The following SNX8 variants were observed in gnomAD, a reference collection of about 807,000 sequenced individuals.
The protein encoded by SNX8 is sorting nexin-8.
Under a neutral mutation model 51.6 loss-of-function variants are expected in SNX8, and 25 were observed. The ratio of observed to expected loss-of-function variants is 0.48; its 90% CI spans 0.35 to 0.68. The LOEUF is 0.68. Among genes scored for constraint, SNX8 ranks in the 30% least tolerant of loss-of-function variants. SNX8 has a pLI of 0.00. For missense variants in SNX8, 695 were observed against 624.0 expected (o/e 1.11, Z -1.21); for synonymous variants, 324 against 277.0 (o/e 1.17, Z -1.68).
intron 1 of SNX8, among the ~76,000 whole-genome samples, chr7:2,308,687 A>G (rs36076158): frequency 0.24 from 32,951 of 139,172 alleles, 4,301 homozygotes; most frequent in Middle Eastern, 0.42. Context: ...AAAAAAAAAA[A>G]GGGTCATGGA....
chr7:2,295,224 T>G (rs1289546640), intron 1 of SNX8, among the ~76,000 whole-genome samples: 1 of 151,490 alleles, frequency 6.6e-6, no homozygotes, highest in African/African-American at 2.4e-5. Context: ...GCCAACATGG[T>G]GAAACAGCAT....
chr7:2,354,248 C>G (rs1446229369), exon 1 of SNX8: 1 of 152,286 alleles, frequency 6.6e-6, no homozygotes, highest in Non-Finnish European at 1.5e-5. Context: ...AGGCAGTCGT[C>G]CTTCTAGTCG....
At chr7:2,289,000 G>T (rs1348419592) in intron 1 of SNX8, among the ~76,000 whole-genome samples, 1 of 152,174 alleles carries the variant, frequency 6.6e-6, no homozygotes, top group Non-Finnish European at 1.5e-5. Context: ...GCCTCCAAAA[G>T]TGCTGGGATT....
intron 5 of SNX8, among the ~76,000 whole-genome samples, chr7:2,267,160 G>A (rs1207009547): frequency 6.6e-6 from 1 of 152,218 alleles, no homozygotes; most frequent in South Asian, 2.1e-4. Context: ...CAACTGAAAC[G>A]AGGGTTAAAT....
intron 1 of SNX8, among the ~76,000 whole-genome samples, chr7:2,351,436 C>T (rs375014269): frequency 2.0e-5 from 3 of 151,948 alleles, no homozygotes; most frequent in African/African-American, 7.2e-5. Context: ...TCTGTACTAC[C>T]AGATACTCAG....
At chr7:2,282,669 C>T (rs988913340) in intron 1 of SNX8, among the ~76,000 whole-genome samples, 6 of 152,164 alleles carry the variant, frequency 3.9e-5, no homozygotes, top group Admixed American at 1.3e-4. Flanking sequence ...CCCCAGAGAC[C>T]GCAGCTTTAG....
intron 1 of SNX8, among the ~76,000 whole-genome samples, chr7:2,327,067 G>C (rs990463823): frequency 6.6e-6 from 1 of 152,080 alleles, no homozygotes; most frequent in Non-Finnish European, 1.5e-5. Flanking sequence ...GCAGGGCCAC[G>C]CTGTCTCTGA....
chr7:2,324,252 C>T (rs1483843867), intron 1 of SNX8, among the ~76,000 whole-genome samples: 2 of 151,510 alleles, frequency 1.3e-5, no homozygotes, highest in Non-Finnish European at 2.9e-5. Context: ...CAAAACCAGC[C>T]TGGGCAACGT....
Position 2,256,899 on chromosome 7 carries a change from T to C in SNX8, c.1259A>G (p.Asn420Ser), listed in dbSNP as rs764708647. 1 of 1,612,318 alleles carries C rather than the reference T, an allele frequency of 6.2e-7. No individual in the cohort carries two copies. The highest frequency in any genetic ancestry group is 1.3e-5 in the African/African-American group (1 of 74,758). The change falls in exon 10 of 11, where the codon AAC becomes AGC. Residue 420 changes from asparagine (N) to serine (S), a missense_variant. Coordinates refer to ENST00000222990, the MANE Select transcript of SNX8 (RefSeq NM_013321.4). ...CTCCTTGTGCCCTTGGATCTGAGAG[T>C]TGACGAAGGCGCGGAGGATGTGGGA... Reference protein sequence around the residue: ...LTSHILRAFVNSQIQGHKEMS... With the variant: ...LTSHILRAFVSSQIQGHKEMS...
chr7:2,334,095 C>T (rs1220452905), intron 1 of SNX8, among the ~76,000 whole-genome samples: 1 of 151,976 alleles, frequency 6.6e-6, no homozygotes, highest in Non-Finnish European at 1.5e-5. Flanking sequence ...CATAGGGAGC[C>T]TCAGTCTCTA....
intron 1 of SNX8, among the ~76,000 whole-genome samples, chr7:2,343,934 G>A (rs970265019): frequency 1.3e-5 from 2 of 151,776 alleles, no homozygotes; most frequent in Non-Finnish European, 2.9e-5. Flanking sequence ...TCAGGAGGCT[G>A]AGGGAGGAGA....
chr7:2,258,255 A>G (rs1795245629), intron 7 of SNX8, among the ~76,000 whole-genome samples: 1 of 151,880 alleles, frequency 6.6e-6, no homozygotes, highest in African/African-American at 2.4e-5. Flanking sequence ...AGACCTCGTG[A>G]TCCGCCCGCC....
upstream of SNX8, among the ~76,000 whole-genome samples, chr7:2,317,832 T>C (rs1442129063): frequency 6.6e-6 from 1 of 152,066 alleles, no homozygotes; most frequent in African/African-American, 2.4e-5. Flanking sequence ...GAGGCCAAGG[T>C]TGCAGTGAGC....
At chr7:2,285,019 T>C (rs570124114) in intron 1 of SNX8, among the ~76,000 whole-genome samples, 32 of 152,072 alleles carry the variant, frequency 2.1e-4, no homozygotes, top group Admixed American at 1.0e-3. Context: ...GAGACCATCC[T>C]GGCTAACACG....
At chr7:2,297,167 A>T (rs753813794) in intron 1 of SNX8, among the ~76,000 whole-genome samples, 2 of 151,946 alleles carry the variant, frequency 1.3e-5, no homozygotes, top group Non-Finnish European at 2.9e-5. Context: ...GGAAAACAGT[A>T]TGGAGATTTC....
intron 1 of SNX8, among the ~76,000 whole-genome samples, chr7:2,309,276 C>T (rs1162096963): frequency 2.0e-5 from 3 of 152,064 alleles, no homozygotes; most frequent in Admixed American, 6.5e-5. Flanking sequence ...AATCCCAGCA[C>T]TTTGGGAGGC....
At chr7:2,302,376 T>C (rs1042778163) in intron 1 of SNX8, among the ~76,000 whole-genome samples, 5 of 152,266 alleles carry the variant, frequency 3.3e-5, no homozygotes, top group African/African-American at 1.2e-4. Flanking sequence ...GGTGCCGGGA[T>C]TGCAGACGGA....
At chr7:2,304,363 T>C (rs1332071858) in intron 1 of SNX8, among the ~76,000 whole-genome samples, 2 of 148,568 alleles carry the variant, frequency 1.3e-5, no homozygotes, top group Non-Finnish European at 3.0e-5. Flanking sequence ...GCTAACAGGG[T>C]GAAACCCCAT....
intron 1 of SNX8, among the ~76,000 whole-genome samples, chr7:2,346,544 G>A (rs1267918211): frequency 6.6e-5 from 10 of 151,436 alleles, no homozygotes; most frequent in Middle Eastern, 3.4e-3. Flanking sequence ...TCAGGAGATC[G>A]AGACCATCCT....
Sources: gnomAD v4.1 joint callset for allele counts (sites outside exome capture counted in the v4.1 genomes callset) on GRCh38, gnomAD v4.1.1 for gene constraint, MANE v1.5 for transcripts, NCBI Gene and HGNC (gene_info 2026-07-23, HGNC 2026-07-21) for gene names.